The following GRIN3A variants were observed in gnomAD, a reference collection of about 807,000 sequenced individuals.
The protein encoded by GRIN3A is glutamate ionotropic receptor NMDA type subunit 3A, also known as glutamate receptor ionotropic, NMDA 3A.
GRIN3A carries 47 observed loss-of-function variants against 92.4 expected under a neutral mutation model. That is an observed-to-expected ratio of 0.51 (90% CI 0.40 to 0.65). The LOEUF is 0.65. GRIN3A is among the 30% of genes least tolerant of loss of function. The pLI, the probability that GRIN3A is intolerant of heterozygous loss-of-function variation, is 0.00. For synonymous variants in GRIN3A, 527 were observed against 540.6 expected (o/e 0.97, Z 0.35); for missense variants, 1,324 against 1,393.1 (o/e 0.95, Z 0.79).
chr9:101,679,508 C>A (rs540272018), intron 2 of GRIN3A, among the ~76,000 whole-genome samples: 1 of 152,292 alleles, frequency 6.6e-6, no homozygotes, highest in South Asian at 2.1e-4. Context: ...TTAGACTCAT[C>A]TCTTGGCATG....
chr9:101,685,247 TAC>T, intron 2 of GRIN3A, among the ~76,000 whole-genome samples: 1 of 145,392 alleles, frequency 6.9e-6, no homozygotes, highest in Admixed American at 6.9e-5. Context: ...AATTTATACA[TAC>T]ATATATATAT....
chr9:101,666,982 A>G (rs1829246116), intron 3 of GRIN3A, among the ~76,000 whole-genome samples: 1 of 151,998 alleles, frequency 6.6e-6, no homozygotes, highest in South Asian at 2.1e-4. Context: ...GTGCTATTCT[A>G]TTGTTCAAAA....
chr9:101,689,731 CACACACACACAT>C (rs888402022), intron 1 of GRIN3A, among the ~76,000 whole-genome samples: 19 of 142,062 alleles, frequency 1.3e-4, no homozygotes, highest in African/African-American at 4.6e-4. Flanking sequence ...CATACACATG[CACACACACACAT>C]ACACACACAC....
At chr9:101,582,148 C>G (rs959767305) in intron 6 of GRIN3A, among the ~76,000 whole-genome samples, 2 of 152,158 alleles carry the variant, frequency 1.3e-5, no homozygotes, top group African/African-American at 4.8e-5. Flanking sequence ...TCATTCTCCC[C>G]ACCTCTCTCC....
intron 5 of GRIN3A, among the ~76,000 whole-genome samples, chr9:101,615,739 A>G (rs1478426919): frequency 6.6e-6 from 1 of 152,184 alleles, no homozygotes; most frequent in Admixed American, 6.5e-5. Context: ...TGCTTGGGGC[A>G]CAGTAGAGCC....
At chr9:101,627,161 G>C (rs1044713246) in intron 4 of GRIN3A, among the ~76,000 whole-genome samples, 24 of 152,192 alleles carry the variant, frequency 1.6e-4, no homozygotes, top group African/African-American at 4.8e-5. Flanking sequence ...GAAGATCTGG[G>C]AGGTAAAGGG....
chr9:101,724,166 G>T (rs1020583578), intron 1 of GRIN3A, among the ~76,000 whole-genome samples: 2 of 142,666 alleles, frequency 1.4e-5, no homozygotes, highest in Admixed American at 7.2e-5. Context: ...GGAGCAGGGG[G>T]TGGCGTTCGT....
intron 1 of GRIN3A, among the ~76,000 whole-genome samples, chr9:101,699,212 C>T (rs1829723849): frequency 6.6e-6 from 1 of 151,946 alleles, no homozygotes; most frequent in Non-Finnish European, 1.5e-5. Context: ...TAGCCTAGGC[C>T]TACACAGGTT....
At chr9:101,580,432 GAT>G (rs1245606304) in intron 6 of GRIN3A, among the ~76,000 whole-genome samples, 3 of 152,154 alleles carry the variant, frequency 2.0e-5, no homozygotes, top group Admixed American at 6.5e-5. Flanking sequence ...GATTGAGAGA[GAT>G]AGAGATAGAG....
intron 1 of GRIN3A, among the ~76,000 whole-genome samples, chr9:101,729,397 A>G (rs1325221544): frequency 6.6e-6 from 1 of 151,952 alleles, no homozygotes; most frequent in African/African-American, 2.4e-5. Context: ...GGGAAAACCC[A>G]TTTTCTTGCC....
At chr9:101,579,465 A>G (rs529290691) in intron 6 of GRIN3A, 105 bp from the exon 7 acceptor site, 1 of 1,084,272 alleles carries the variant, frequency 9.2e-7, no homozygotes, top group South Asian at 1.3e-5. Context: ...TTCTGGACTC[A>G]AGGACAGCTG....
intron 6 of GRIN3A, among the ~76,000 whole-genome samples, chr9:101,606,442 C>G (rs1828282500): frequency 6.6e-6 from 1 of 152,082 alleles, no homozygotes; most frequent in Non-Finnish European, 1.5e-5. Flanking sequence ...GTCAAATGGC[C>G]AAGGCTCTTA....
intron 6 of GRIN3A, among the ~76,000 whole-genome samples, chr9:101,606,299 G>A (rs561926474): frequency 3.3e-5 from 5 of 152,158 alleles, no homozygotes; most frequent in South Asian, 4.2e-4. Flanking sequence ...CCTGGGAAGC[G>A]GACCTCTCTG....
intron 1 of GRIN3A, among the ~76,000 whole-genome samples, chr9:101,707,306 G>A (rs937132260): frequency 8.5e-5 from 13 of 152,162 alleles, no homozygotes; most frequent in African/African-American, 2.9e-4. Flanking sequence ...ATGCTGGCTG[G>A]ATAAATTTAC....
intron 6 of GRIN3A, among the ~76,000 whole-genome samples, chr9:101,602,264 A>G (rs1459681938): frequency 1.3e-5 from 2 of 152,100 alleles, no homozygotes; most frequent in African/African-American, 4.8e-5. Context: ...ACAATTTTAG[A>G]CTTGGTTTTT....
At chr9:101,684,714 A>G (rs552573435) in intron 2 of GRIN3A, among the ~76,000 whole-genome samples, 9 of 152,258 alleles carry the variant, frequency 5.9e-5, no homozygotes, top group African/African-American at 2.2e-4. Context: ...GTCAACAAAT[A>G]TTCTTCTCTG....
At chr9:101,683,844 C>CAGAGAG (rs1463284059) in intron 2 of GRIN3A, among the ~76,000 whole-genome samples, 3 of 79,088 alleles carry the variant, frequency 3.8e-5, no homozygotes, top group South Asian at 9.4e-4. Context: ...GAGAGAGAGA[C>CAGAGAG]AGTGAGAGAG....
intron 1 of GRIN3A, among the ~76,000 whole-genome samples, chr9:101,710,147 G>C (rs536495322): frequency 6.6e-6 from 1 of 152,274 alleles, no homozygotes; most frequent in African/African-American, 2.4e-5. Flanking sequence ...TTTAAGAACA[G>C]GAGAGGTAAT....
Position 101,686,681 on chromosome 9 carries a change from G to T in GRIN3A, c.1219C>A (p.Gln407Lys). The change falls in exon 2 of 9, where the codon CAA becomes AAA. Residue 407 changes from glutamine to lysine, a missense_variant. Transcript: ENST00000361820. ...ARAVATATMI[Q>K]PELALIPSTM... ...CTGGGAATGAGAGCAAGTTCTGGTT[G>T]GATCATGGTGGCTGTGGCTACAGCT... is the stretch of plus-strand genomic sequence containing the variant. 1 of 1,614,162 alleles carries T rather than the reference G, an allele frequency of 6.2e-7. No individual in the cohort carries two copies. Among genetic ancestry groups the T allele is most frequent in the Non-Finnish European group, 8.5e-7 (1 of 1,180,030 alleles).
Sources: allele counts gnomAD v4.1 joint callset (sites outside exome capture counted in the v4.1 genomes callset), GRCh38; gene constraint gnomAD v4.1.1; transcripts MANE v1.5; gene names NCBI Gene and HGNC (gene_info 2026-07-23, HGNC 2026-07-21).